The following GREB1L variants were observed in gnomAD, a reference collection of about 807,000 sequenced individuals.
GREB1L encodes the protein GREB1-like protein.
A neutral mutation model predicts 200.8 loss-of-function variants in GREB1L; 17 were observed. That is an observed-to-expected ratio of 0.08 (90% CI 0.06 to 0.13). GREB1L has a LOEUF of 0.13. Ranked by LOEUF, GREB1L falls within the 10% of genes least tolerant of loss-of-function variation. The probability of loss-of-function intolerance (pLI) is 1.00; values close to 1 mark genes in which losing one functional copy is unlikely to be tolerated. For missense variants in GREB1L, 1,657 were observed against 2,367.7 expected (o/e 0.70, Z 6.23); for synonymous variants, 789 against 893.0 (o/e 0.88, Z 2.08).
At chr18:21,363,391 G>A (rs957713131) in intron 1 of GREB1L, among the ~76,000 whole-genome samples, 17 of 150,530 alleles carry the variant, frequency 1.1e-4, no homozygotes, top group Admixed American at 5.3e-4. Flanking sequence ...AGAGTGAAAA[G>A]GCAATCCACA....
At chr18:21,256,939 C>T (rs927536967) in intron 1 of GREB1L, among the ~76,000 whole-genome samples, 4 of 132,924 alleles carry the variant, frequency 3.0e-5, no homozygotes, top group African/African-American at 1.1e-4. Flanking sequence ...CGGGAGGTGG[C>T]GGTTGCAGTG....
intron 11 of GREB1L, 67 bp from the exon 12 acceptor site, chr18:21,449,443 A>G: frequency 1.1e-6 from 1 of 932,266 alleles, no homozygotes; most frequent in Non-Finnish European, 1.6e-6. Flanking sequence ...GCAGGAAAGC[A>G]TATGGGTGTG....
chr18:21,333,790 T>A (rs1405708042), intron 1 of GREB1L, among the ~76,000 whole-genome samples: 1 of 151,918 alleles, frequency 6.6e-6, no homozygotes, highest in African/African-American at 2.4e-5. Flanking sequence ...AAAAGCAGCC[T>A]GGGCCACACA....
chr18:21,507,421 T>G (rs1264670513), intron 25 of GREB1L, among the ~76,000 whole-genome samples: 1 of 152,238 alleles, frequency 6.6e-6, no homozygotes, highest in Non-Finnish European at 1.5e-5. Context: ...TCGATTCTAG[T>G]TGCTGATGAA....
At chr18:21,386,568 G>A (rs1225526074) in intron 4 of GREB1L, among the ~76,000 whole-genome samples, 6 of 149,820 alleles carry the variant, frequency 4.0e-5, no homozygotes, top group South Asian at 2.1e-4. Flanking sequence ...GATTATAGGC[G>A]TGAGCCACTG....
intron 1 of GREB1L, among the ~76,000 whole-genome samples, chr18:21,309,621 A>G (rs2038759674): frequency 6.6e-6 from 1 of 152,144 alleles, no homozygotes; most frequent in Admixed American, 6.5e-5. Context: ...TAAAAAAGTA[A>G]AAGTCATAAT....
At chr18:21,275,395 G>T (rs2038145970) in intron 1 of GREB1L, among the ~76,000 whole-genome samples, 1 of 151,990 alleles carries the variant, frequency 6.6e-6, no homozygotes, top group Non-Finnish European at 1.5e-5. Flanking sequence ...TATTTTTTTA[G>T]AGCTGGGGTC....
chr18:21,282,467 T>A (rs1244582739), intron 1 of GREB1L, among the ~76,000 whole-genome samples: 1 of 152,258 alleles, frequency 6.6e-6, no homozygotes, highest in African/African-American at 2.4e-5. Flanking sequence ...GCTTACATAC[T>A]GATGCATAGT....
intron 17 of GREB1L, among the ~76,000 whole-genome samples, chr18:21,483,791 C>CA (rs2036012207): frequency 6.6e-6 from 1 of 151,546 alleles, no homozygotes; most frequent in African/African-American, 2.4e-5. Context: ...AGCCTGCTAA[C>CA]ATGGTGAAAT....
chr18:21,410,588 G>C (rs1483139995), intron 7 of GREB1L, among the ~76,000 whole-genome samples: 1 of 151,910 alleles, frequency 6.6e-6, no homozygotes, highest in African/African-American at 2.4e-5. Flanking sequence ...CCAGAAGGCA[G>C]AGGTTGCAGG....
At chr18:21,270,193 C>G (rs1367707683) in intron 1 of GREB1L, among the ~76,000 whole-genome samples, 1 of 152,168 alleles carries the variant, frequency 6.6e-6, no homozygotes, top group East Asian at 1.9e-4. Context: ...TGTGATGTAT[C>G]TGAGAAGTGT....
chr18:21,311,541 C>A (rs2038790134), intron 1 of GREB1L, among the ~76,000 whole-genome samples: 1 of 152,104 alleles, frequency 6.6e-6, no homozygotes, highest in Non-Finnish European at 1.5e-5. Flanking sequence ...AAATTTTGCC[C>A]TAAGCGGCAC....
At chr18:21,373,367 T>G (rs1223512367) in intron 2 of GREB1L, among the ~76,000 whole-genome samples, 4 of 152,160 alleles carry the variant, frequency 2.6e-5, no homozygotes, top group Non-Finnish European at 5.9e-5. Context: ...GACAGAGTTT[T>G]TTGTCACCCA....
At chr18:21,516,815 G>C (rs2146101241) in intron 30 of GREB1L, 61 bp downstream of exon 30, 1 of 1,375,638 alleles carries the variant, frequency 7.3e-7, no homozygotes, top group Non-Finnish European at 9.8e-7. Flanking sequence ...GACTATCTTT[G>C]TTATTAGATG....
chr18:21,497,928 T>C (rs1358452688), intron 21 of GREB1L, among the ~76,000 whole-genome samples: 5 of 147,716 alleles, frequency 3.4e-5, no homozygotes, highest in African/African-American at 1.2e-4. Context: ...TTCAAGCGAT[T>C]CTCCTGCCTC....
At chr18:21,414,461 A>C (rs915085576) in intron 7 of GREB1L, among the ~76,000 whole-genome samples, 1 of 152,200 alleles carries the variant, frequency 6.6e-6, no homozygotes, top group African/African-American at 2.4e-5. Context: ...CCAAATGTAT[A>C]GGTTAGTAGA....
At chr18:21,293,746 T>C (rs148158478) in intron 1 of GREB1L, among the ~76,000 whole-genome samples, 22 of 152,270 alleles carry the variant, frequency 1.4e-4, no homozygotes, top group African/African-American at 5.3e-4. Flanking sequence ...TCCCTATCCA[T>C]TAGATTATAA....
At position 21,502,839 on chromosome 18, in the gene GREB1L, A is replaced by AT. The variant is rs377265849; in HGVS notation, c.4072+2204dup. Among the ~76,000 whole-genome samples the AT allele has an allele frequency of 6.6e-4, 101 of 152,122 alleles. No homozygotes were observed. In the Middle Eastern group the frequency reaches 0.014, roughly 20 times the overall value. On this transcript the variant is annotated intron_variant, in intron 23 of 32. Transcript: ENST00000424526. ...GCACCACAGCAGAGTGATGCCTTTG[A>AT]TTTTTTTCCTCAGATCATGCTACAG...
chr18:21,396,961 A>G (rs2041090832), intron 5 of GREB1L, among the ~76,000 whole-genome samples: 1 of 152,224 alleles, frequency 6.6e-6, no homozygotes. Flanking sequence ...TATCAGTAAA[A>G]AGGAAAAAGA....
Sources: allele counts gnomAD v4.1 joint callset (sites outside exome capture counted in the v4.1 genomes callset), GRCh38; gene constraint gnomAD v4.1.1; transcripts MANE v1.5; gene names NCBI Gene and HGNC (gene_info 2026-07-23, HGNC 2026-07-21).